Variants in STRIP1 observed in about 807,000 individuals in gnomAD.
STRIP1 encodes the protein striatin-interacting protein 1.
In STRIP1, 63 loss-of-function variants were observed where a neutral mutation model predicts 106.2. The ratio of observed to expected loss-of-function variants is 0.59; its 90% CI spans 0.48 to 0.73. The LOEUF is 0.73. STRIP1 is among the 30% of genes least tolerant of loss of function. The probability of loss-of-function intolerance (pLI) is 0.00; values close to 1 mark genes in which losing one functional copy is unlikely to be tolerated. For synonymous variants in STRIP1, 390 were observed against 413.0 expected, an observed-to-expected ratio of 0.94 and a Z score of 0.67; for missense variants, 857 against 1,074.8, an observed-to-expected ratio of 0.80 and a Z score of 2.83.
At chr1:110,040,176 T>TTTTTTGTTTTTGTTTTTG (rs910557063) in intron 5 of STRIP1, among the ~76,000 whole-genome samples, 1 of 152,096 alleles carries the variant, frequency 6.6e-6, no homozygotes, top group Non-Finnish European at 1.5e-5. Flanking sequence ...TTTTTGTGTT[T>TTTTTTGTTTTTGTTTTTG]TTTTTGTTTT....
chr1:110,047,298 C>CT (rs1244277115), intron 13 of STRIP1, among the ~76,000 whole-genome samples: 6 of 152,196 alleles, frequency 3.9e-5, no homozygotes, highest in Non-Finnish European at 7.3e-5. Flanking sequence ...TCTCTCTATG[C>CT]TTTATTTCCT....
In STRIP1 at chr1:110,041,838, T is replaced by C. The variant is rs1258617469; in HGVS notation, c.862T>C (p.Leu288=). 1 of 1,614,064 alleles carries C rather than the reference T, an allele frequency of 6.2e-7. No individual in the cohort carries two copies. The highest frequency in any genetic ancestry group is 8.5e-7 in the Non-Finnish European group (1 of 1,180,036). Residue 288 remains leucine, a synonymous_variant, in exon 8 of 21, where the codon TTG becomes CTG. Coordinates refer to ENST00000369795, the MANE Select transcript of STRIP1 (RefSeq NM_033088.4). ...APHFPMKKVL[L]LLWKTVLCTL... is the part of the protein sequence containing the mutation. ...TCACTTTCCCATGAAGAAAGTTCTC[T>C]TGCTGCTCTGGAAGACAGTATTGGT...
At chr1:110,047,723 T>G (rs781636626) in intron 14 of STRIP1, 49 bp from the exon 15 acceptor site, 1 of 1,546,580 alleles carries the variant, frequency 6.5e-7, no homozygotes, top group Non-Finnish European at 8.8e-7. Context: ...AGAGCTTAAT[T>G]TTGACCCTGG....
intron 12 of STRIP1, 54 bp from the exon 13 acceptor site, chr1:110,046,626 A>T: frequency 6.0e-6 from 9 of 1,509,216 alleles, no homozygotes; most frequent in Non-Finnish European, 8.3e-6. Context: ...GAGTGCAGGG[A>T]GTTTGGCCAG....
In STRIP1 at chr1:110,040,622, A is replaced by G. The variant is rs2101769885; in HGVS notation, c.582-13A>G. On this transcript the variant is annotated splice_polypyrimidine_tract_variant and intron_variant, in intron 5 of 20. Transcript: ENST00000369795. ...TCTTGGAGGAAGATGCTGACTCTCA[A>G]AATCTCCTGCAGCAACAGTGCCGCC... 3.7e-6 allele frequency: 6 copies of G among 1,607,848 alleles called. No homozygotes were observed. The South Asian group carries it at 6.7e-5, about 18-fold the overall frequency.
rs1318777835 is a variant in STRIP1, at chr1:110,034,832, G to A, written c.180+15G>A. On this transcript the variant is annotated intron_variant, in intron 1 of 20. Coordinates refer to ENST00000369795, the MANE Select transcript of STRIP1 (RefSeq NM_033088.4). ...AAGACTCAGAGGTCAGGAGCTTCGG[G>A]GGGCGAGGCTCGCACCGGGTCGGGC... 1 of 1,377,540 alleles carries A rather than the reference G, an allele frequency of 7.3e-7. No homozygotes were observed. Among genetic ancestry groups the A allele is most frequent in the African/African-American group, 1.5e-5 (1 of 64,988 alleles). 85.3% of individuals were successfully genotyped at this position (1,377,540 alleles called of 1,614,324 possible).
At position 110,034,847 on chromosome 1, in the gene STRIP1, C is replaced by G. The variant is rs957911319; in HGVS notation, c.180+30C>G. The G allele has an allele frequency of 3.6e-6, 5 of 1,374,016 alleles. No homozygotes were observed. In the Admixed American group the frequency reaches 2.0e-4, roughly 55 times the overall value. The allele number at this position is 1,374,016 out of a possible 1,614,324, so 85.1% of individuals were successfully genotyped here. A position where few individuals can be genotyped will look rare whatever the true frequency, so the allele number is the denominator to read the frequency against. On this transcript the variant is annotated intron_variant, in intron 1 of 20. Coordinates refer to ENST00000369795, the MANE Select transcript of STRIP1 (RefSeq NM_033088.4). ...GGAGCTTCGGGGGGCGAGGCTCGCA[C>G]CGGGTCGGGCGGCGCCGGGGGTCCC...
chr1:110,039,769 TG>T, intron 5 of STRIP1: 2 of 1,291,218 alleles, frequency 1.5e-6, no homozygotes, highest in South Asian at 1.3e-5. Flanking sequence ...TGCCCAGGCC[TG>T]GGGTGCTCCT....
chr1:110,038,770 C>T lies in STRIP1; in HGVS notation c.325+13C>T. The T allele has an allele frequency of 1.9e-6, 3 of 1,612,086 alleles. No homozygotes were observed. Among genetic ancestry groups the T allele is most frequent in the African/African-American group, 1.3e-5 (1 of 74,992 alleles). On this transcript the variant is annotated intron_variant, in intron 3 of 20. Transcript: ENST00000369795. ...TTCCGGATCCATGGTGAGATGATTTCCCACACTTCTTGCTTCCTTTGCCCT... is the reference window on the plus strand; with the variant it reads ...TTCCGGATCCATGGTGAGATGATTTTCCACACTTCTTGCTTCCTTTGCCCT...
Position 110,049,211 on chromosome 1 carries a change from G to A in STRIP1, c.1761G>A (p.Lys587=). The A allele has an allele frequency of 6.2e-7, 1 of 1,614,188 alleles. No homozygotes were observed. The highest frequency in any genetic ancestry group is 1.3e-5 in the African/African-American group (1 of 75,032). Residue 587 remains lysine (K), a synonymous_variant, in exon 16 of 21, where the codon AAG becomes AAA. Transcript: ENST00000369795. The part of the protein sequence containing the change: ...AISAVLLLLL[K]HFKLNHVYQF... ...CTGCTGTCCTGCTGCTGCTGCTCAA[G>A]CACTTTAAGTTGAACCATGTCTACC...
chr1:110,051,597 C>T, intron 19 of STRIP1, 86 bp from the exon 20 acceptor site: 1 of 1,362,258 alleles, frequency 7.3e-7, no homozygotes, highest in Non-Finnish European at 1.0e-6. Context: ...ACAGTAACTT[C>T]CAAAGGGTTA....
chr1:110,051,588 CA>C, intron 19 of STRIP1, 94 bp from the exon 20 acceptor site: 1 of 1,254,142 alleles, frequency 8.0e-7, no homozygotes, highest in Non-Finnish European at 1.1e-6. Context: ...GTCACCCTGA[CA>C]GTAACTTCCA....
upstream of STRIP1, among the ~76,000 whole-genome samples, chr1:110,032,457 TAAAA>T (rs1461306632): frequency 1.3e-5 from 2 of 152,200 alleles, no homozygotes; most frequent in African/African-American, 4.8e-5. Flanking sequence ...CAAAGATGGA[TAAAA>T]TGCCTTTAAG....
In STRIP1 at chr1:110,046,615, A is replaced by G. The variant is rs1216844776; in HGVS notation, c.1417-65A>G. ...AAGACAAATGTGTGGGGATTTTGCT[A>G]GAGTGCAGGGAGTTTGGCCAGAGAA... is the stretch of plus-strand genomic sequence containing the variant. On this transcript the variant is annotated intron_variant, in intron 12 of 20. Transcript: ENST00000369795. 5 of 1,419,210 alleles carry G rather than the reference A, an allele frequency of 3.5e-6. No homozygotes were observed. The African/African-American group carries it at 4.2e-5, about 12-fold the overall frequency. The allele number at this position is 1,419,210 out of a possible 1,614,324, so 87.9% of individuals were successfully genotyped here.
chr1:110,052,844 G>C (rs1653367498), intron 20 of STRIP1, among the ~76,000 whole-genome samples: 1 of 152,180 alleles, frequency 6.6e-6, no homozygotes, highest in South Asian at 2.1e-4. Context: ...GGGATTACAA[G>C]CGTGAGCCAC....
In STRIP1 at chr1:110,047,535, T is replaced by C; in HGVS notation, c.1489-7T>C. ...GGGTTTTATGCTTGTACTCATTATG[T>C]TAAAAGGGAGAAGAAGAAGTTGAGC... On this transcript the variant is annotated splice_region_variant and splice_polypyrimidine_tract_variant and intron_variant, in intron 13 of 20. Coordinates refer to ENST00000369795, the MANE Select transcript of STRIP1 (RefSeq NM_033088.4). 1 of 1,609,298 alleles carries C rather than the reference T, an allele frequency of 6.2e-7. No individual in the cohort carries two copies. The highest frequency in any genetic ancestry group is 8.5e-7 in the Non-Finnish European group (1 of 1,177,492).
intron 19 of STRIP1, 104 bp downstream of exon 19, chr1:110,051,164 A>C: frequency 1.3e-6 from 1 of 765,586 alleles, no homozygotes; most frequent in East Asian, 2.5e-5. Flanking sequence ...TTCTCACTTA[A>C]CTTTGCTGTA....
chr1:110,041,786 G>C lies in STRIP1; in HGVS notation c.810G>C (p.Val270=). The C allele has an allele frequency of 6.2e-7, 1 of 1,614,152 alleles. No homozygotes were observed. Among genetic ancestry groups the C allele is most frequent in the Non-Finnish European group, 8.5e-7 (1 of 1,180,028 alleles). Residue 270 remains valine (V), a synonymous_variant, in exon 8 of 21, where the codon GTG becomes GTC. Coordinates refer to ENST00000369795, the MANE Select transcript of STRIP1 (RefSeq NM_033088.4). ...EPFAIMLFGM[V]TKFCSGHAPH... ...TTGCCATCATGCTGTTTGGGATGGTGACCAAATTTTGCAGTGGTCACGCCC... is the reference window on the plus strand; with the variant it reads ...TTGCCATCATGCTGTTTGGGATGGTCACCAAATTTTGCAGTGGTCACGCCC...
At chr1:110,053,632 C>T (rs1477839572) in intron 20 of STRIP1, 33 bp from the exon 21 acceptor site, 1 of 1,611,662 alleles carries the variant, frequency 6.2e-7, no homozygotes, top group Admixed American at 1.7e-5. Context: ...CAGGGCATGG[C>T]TCCTAACGGT....
Sources: gnomAD v4.1 joint callset for allele counts (sites outside exome capture counted in the v4.1 genomes callset) on GRCh38, gnomAD v4.1.1 for gene constraint, MANE v1.5 for transcripts, NCBI Gene and HGNC (gene_info 2026-07-23, HGNC 2026-07-21) for gene names.